Variants in CNTN3 observed in about 807,000 individuals in gnomAD.
The protein encoded by CNTN3 is contactin 3.
Under a neutral mutation model 119.1 loss-of-function variants are expected in CNTN3, and 60 were observed. The observed-to-expected ratio is 0.50, with a 90% CI of 0.41 to 0.62. The LOEUF is 0.62. Ranked by LOEUF, CNTN3 falls within the 20% of genes least tolerant of loss-of-function variation. The probability of loss-of-function intolerance (pLI) is 0.00; values close to 1 mark genes in which losing one functional copy is unlikely to be tolerated. For synonymous variants in CNTN3, 450 were observed against 438.7 expected (o/e 1.03, Z -0.32); for missense variants, 1,101 against 1,242.4 (o/e 0.89, Z 1.71).
chr3:74,566,874 G>T (rs1559660792), intron 1 of CNTN3, among the ~76,000 whole-genome samples: 1 of 152,254 alleles, frequency 6.6e-6, no homozygotes, highest in South Asian at 2.1e-4. Flanking sequence ...ACAAGTTATG[G>T]CAATCCTACA....
chr3:74,562,695 G>A (rs1326725432), intron 1 of CNTN3, among the ~76,000 whole-genome samples: 1 of 152,040 alleles, frequency 6.6e-6, no homozygotes, highest in East Asian at 1.9e-4. Context: ...TCATCTGGAT[G>A]CTTTATGTTA....
intron 4 of CNTN3, among the ~76,000 whole-genome samples, chr3:74,468,805 C>CAT (rs397697020): frequency 2.6e-5 from 4 of 151,794 alleles, no homozygotes; most frequent in Admixed American, 6.6e-5. Context: ...CACCTATATA[C>CAT]GTGACAGATG....
chr3:74,561,650 T>G (rs935632336), intron 1 of CNTN3, among the ~76,000 whole-genome samples: 1 of 152,188 alleles, frequency 6.6e-6, no homozygotes, highest in African/African-American at 2.4e-5. Context: ...ATCATTGCTG[T>G]ACTTTCCTCA....
rs1456109469 is a variant in CNTN3 at position 74,284,489 on chromosome 3, T to TA, written c.2704+815dup. 2.0e-5 allele frequency among the ~76,000 whole-genome samples: 3 copies of TA among 152,166 alleles called. No homozygotes were observed. The East Asian group carries it at 5.8e-4, about 29-fold the overall frequency. On this transcript the variant is annotated intron_variant, in intron 20 of 22. Transcript: ENST00000263665. ...ATGGCACCTACCTCTTGGGAGTAGTTATGAGGATTAAATGTGGGAATGAGC... is the reference window on the plus strand; with the variant it reads ...ATGGCACCTACCTCTTGGGAGTAGTTAATGAGGATTAAATGTGGGAATGAGC...
intron 19 of CNTN3, among the ~76,000 whole-genome samples, chr3:74,291,438 AT>A (rs1702228207): frequency 6.6e-6 from 1 of 152,138 alleles, no homozygotes; most frequent in Admixed American, 6.5e-5. Context: ...GCTGGGTCAA[AT>A]GGTATTTCTA....
chr3:74,290,743 G>A lies in CNTN3; in HGVS notation c.2517+4378C>T, dbSNP rs192985745. On this transcript the variant is annotated intron_variant, in intron 19 of 22. Transcript: ENST00000263665. ...GTCTCGCTGTGTTGCCCAGGCTGGA[G>A]TGCAGTGGCGTGATCTCGGCTCACT... Among the ~76,000 whole-genome samples the A allele has an allele frequency of 7.8e-3, 1,185 of 152,146 alleles. 14 individuals carry two copies. The highest frequency in any genetic ancestry group is 0.028 in the African/African-American group (1,141 of 41,486).
In CNTN3 at chr3:74,613,936, A is replaced by G. The variant is rs752135441; in HGVS notation, c.-81+455T>C. ...AGCTTAGAAAACTTGATCGCTAATG[A>G]AAGAATCGGCCACCCTAGCTTTCTC... On this transcript the variant is annotated intron_variant, in intron 1 of 22. Coordinates refer to ENST00000263665, the MANE Select transcript of CNTN3 (RefSeq NM_020872.3). Among the ~76,000 whole-genome samples the G allele has an allele frequency of 9.2e-5, 14 of 152,252 alleles. No individual in the cohort carries two copies. The South Asian group carries it at 1.0e-3, about 11-fold the overall frequency.
Position 74,505,617 on chromosome 3 carries a change from T to C in CNTN3, c.56-5832A>G, listed in dbSNP as rs74462646. ...AACATGAACCACATAATTCCAAACA[T>C]CATGTGTTGGAAAAATAAACCTCTA... On this transcript the variant is annotated intron_variant, in intron 2 of 22. Transcript: ENST00000263665. Among the ~76,000 whole-genome samples the C allele has an allele frequency of 2.5e-3, 383 of 151,908 alleles. 15 individuals are homozygous for C. In the East Asian group the frequency reaches 0.066, roughly 26 times the overall value.
chr3:74,363,305 T>A (rs532359198), intron 10 of CNTN3, among the ~76,000 whole-genome samples: 74 of 151,930 alleles, frequency 4.9e-4, no homozygotes, highest in Non-Finnish European at 3.4e-4. Context: ...TAAAGCAGGG[T>A]TTTTTCAATC....
rs570542107 is a variant in CNTN3, at chr3:74,382,926, T to C, written c.455-11527A>G. On this transcript the variant is annotated intron_variant, in intron 5 of 22. Transcript: ENST00000263665. Reference sequence around the variant, plus strand: ...ATTGGCCTTTTTATCAAATCCTCCATTGTCATTATTTTATATTTGATACTT... The same window carrying C: ...ATTGGCCTTTTTATCAAATCCTCCACTGTCATTATTTTATATTTGATACTT... Among the ~76,000 whole-genome samples, 69 of 152,298 alleles carry C rather than the reference T, an allele frequency of 4.5e-4. 1 individual carries two copies. The highest frequency in any genetic ancestry group is 3.5e-3 in the South Asian group (17 of 4,826).
intron 11 of CNTN3, among the ~76,000 whole-genome samples, chr3:74,357,225 C>T (rs954836014): frequency 5.3e-5 from 8 of 151,828 alleles, no homozygotes; most frequent in Admixed American, 3.3e-4. Flanking sequence ...CGTGCCTGGC[C>T]GATTATTCAA....
intron 1 of CNTN3, among the ~76,000 whole-genome samples, chr3:74,586,251 G>A (rs1267014122): frequency 6.6e-6 from 1 of 152,026 alleles, no homozygotes; most frequent in Non-Finnish European, 1.5e-5. Flanking sequence ...GATAGGGGAG[G>A]TTTCTAACTA....
chr3:74,545,935 T>A (rs1000518877), intron 1 of CNTN3, among the ~76,000 whole-genome samples: 3 of 152,058 alleles, frequency 2.0e-5, no homozygotes, highest in African/African-American at 7.2e-5. Context: ...AACCACACCA[T>A]CTCTTACTAA....
At chr3:74,536,964 C>G (rs1244491563) in intron 1 of CNTN3, among the ~76,000 whole-genome samples, 1 of 147,370 alleles carries the variant, frequency 6.8e-6, no homozygotes, top group African/African-American at 2.5e-5. Flanking sequence ...CCGTTTTAGA[C>G]AATTATTGCA....
intron 4 of CNTN3, among the ~76,000 whole-genome samples, chr3:74,484,896 A>C: frequency 6.6e-6 from 1 of 152,116 alleles, no homozygotes; most frequent in East Asian, 1.9e-4. Flanking sequence ...AAAATGAAAA[A>C]GCATGAAACA....
In CNTN3 at chr3:74,521,114, T is replaced by C. The variant is rs1395779883; in HGVS notation, c.-2A>G. On this transcript the variant is annotated 5_prime_UTR_variant, in exon 2 of 23. Transcript: ENST00000263665. ...CAACTGTTTCCATGGAAACATCATCTTTAATTGCCAAATGCAAGAGTAACT... is the reference window on the plus strand; with the variant it reads ...CAACTGTTTCCATGGAAACATCATCCTTAATTGCCAAATGCAAGAGTAACT... 1.9e-6 allele frequency: 3 copies of C among 1,593,732 alleles called. No individual in the cohort carries two copies. The highest frequency in any genetic ancestry group is 2.3e-5 in the East Asian group (1 of 43,896).
At chr3:74,502,912 T>C (rs1319076855) in intron 2 of CNTN3, among the ~76,000 whole-genome samples, 1 of 152,212 alleles carries the variant, frequency 6.6e-6, no homozygotes, top group Non-Finnish European at 1.5e-5. Flanking sequence ...ATCGAATTCA[T>C]TGCTGTATAC....
intron 13 of CNTN3, among the ~76,000 whole-genome samples, chr3:74,320,305 T>G (rs56302085): frequency 0.025 from 3,791 of 152,254 alleles, 156 homozygotes; most frequent in African/African-American, 0.086. Context: ...TAAGAAAATG[T>G]GGCACATATA....
intron 4 of CNTN3, among the ~76,000 whole-genome samples, chr3:74,456,726 C>T (rs1474582050): frequency 6.6e-6 from 1 of 152,018 alleles, no homozygotes; most frequent in African/African-American, 2.4e-5. Context: ...TTCATTGTAG[C>T]TGATTCATAT....
Sources: allele counts gnomAD v4.1 joint callset (sites outside exome capture counted in the v4.1 genomes callset), GRCh38; gene constraint gnomAD v4.1.1; transcripts MANE v1.5; gene names NCBI Gene and HGNC (gene_info 2026-07-23, HGNC 2026-07-21).